CYYR1: variants seen among roughly 807,000 people sequenced by gnomAD.
CYYR1 encodes cysteine and tyrosine rich 1, also known as cysteine and tyrosine-rich protein 1.
Under a neutral mutation model 15.2 loss-of-function variants are expected in CYYR1, and 14 were observed. The ratio of observed to expected loss-of-function variants is 0.92; its 90% CI spans 0.61 to 1.44. The LOEUF (loss-of-function observed/expected upper bound fraction) is 1.44. Among genes scored for constraint, CYYR1 ranks in the 40% most tolerant of loss-of-function variants. CYYR1 has a pLI of 0.00. For missense variants in CYYR1, 228 were observed against 209.5 expected (o/e 1.09, Z -0.54); for synonymous variants, 80 against 77.4 (o/e 1.03, Z -0.18).
intron 2 of CYYR1, among the ~76,000 whole-genome samples, chr21:26,485,928 C>T (rs564009159): frequency 1.3e-5 from 2 of 152,238 alleles, no homozygotes; most frequent in South Asian, 2.1e-4. Flanking sequence ...CTCTCTGCGT[C>T]CTTGCCAGTA....
At chr21:26,526,637 A>G (rs935203031) in intron 2 of CYYR1, among the ~76,000 whole-genome samples, 12 of 152,236 alleles carry the variant, frequency 7.9e-5, no homozygotes, top group Non-Finnish European at 1.8e-4. Context: ...GAAATAATGA[A>G]TGAATTCTAA....
chr21:26,480,245 C>A (rs1452778957), intron 3 of CYYR1, 27 bp downstream of exon 3: 3 of 1,581,542 alleles, frequency 1.9e-6, no homozygotes, highest in South Asian at 2.3e-5. Flanking sequence ...CAAATCTGAG[C>A]CTTCGAGAGT....
intron 2 of CYYR1, among the ~76,000 whole-genome samples, chr21:26,480,724 A>G (rs768353013): frequency 6.6e-6 from 1 of 152,138 alleles, no homozygotes; most frequent in East Asian, 1.9e-4. Flanking sequence ...ACAAAGCACA[A>G]TTCTCTAGAT....
intron 2 of CYYR1, among the ~76,000 whole-genome samples, chr21:26,559,597 G>C (rs1381850780): frequency 6.6e-6 from 1 of 151,860 alleles, no homozygotes; most frequent in South Asian, 2.1e-4. Flanking sequence ...TTTGCTTTTT[G>C]TTTTTACATA....
chr21:26,561,504 T>G, intron 2 of CYYR1, among the ~76,000 whole-genome samples: 1 of 152,232 alleles, frequency 6.6e-6, no homozygotes, highest in Non-Finnish European at 1.5e-5. Context: ...GGCTCTCAAA[T>G]CACGGTTGTG....
At chr21:26,521,495 C>A (rs868124475) in intron 2 of CYYR1, among the ~76,000 whole-genome samples, 2 of 152,120 alleles carry the variant, frequency 1.3e-5, no homozygotes, top group Non-Finnish European at 2.9e-5. Flanking sequence ...ATAACAAATT[C>A]CCATAAGAAA....
intron 2 of CYYR1, among the ~76,000 whole-genome samples, chr21:26,524,454 C>T (rs2065838942): frequency 6.6e-6 from 1 of 152,144 alleles, no homozygotes; most frequent in Non-Finnish European, 1.5e-5. Context: ...TATATTTGGC[C>T]TGTATGTCTG....
intron 1 of CYYR1, among the ~76,000 whole-genome samples, chr21:26,567,400 A>T (rs949719792): frequency 2.0e-5 from 3 of 152,232 alleles, no homozygotes; most frequent in Non-Finnish European, 2.9e-5. Context: ...AAAGGATCAG[A>T]AATTACTATT....
intron 3 of CYYR1, among the ~76,000 whole-genome samples, 166 bp from the exon 4 acceptor site, chr21:26,468,800 A>G (rs909139902): frequency 3.9e-5 from 6 of 152,198 alleles, no homozygotes; most frequent in African/African-American, 1.4e-4. Context: ...TAAGTGCTCT[A>G]AAATGTGGTA....
chr21:26,497,971 G>C (rs537674666), intron 2 of CYYR1, among the ~76,000 whole-genome samples: 1 of 152,108 alleles, frequency 6.6e-6, no homozygotes, highest in Non-Finnish European at 1.5e-5. Context: ...TATGTCATTT[G>C]TATCATATGT....
intron 2 of CYYR1, among the ~76,000 whole-genome samples, chr21:26,483,736 A>G (rs2065214720): frequency 6.6e-6 from 1 of 152,082 alleles, no homozygotes; most frequent in Non-Finnish European, 1.5e-5. Context: ...TTACGGGTTT[A>G]AGTCTTCACA....
At chr21:26,499,841 T>G (rs550114603) in intron 2 of CYYR1, among the ~76,000 whole-genome samples, 53 of 150,960 alleles carry the variant, frequency 3.5e-4, no homozygotes, top group East Asian at 9.7e-4. Context: ...TTTTTGTTTT[T>G]TTTTTTTTTT....
intron 2 of CYYR1, among the ~76,000 whole-genome samples, chr21:26,492,903 C>G (rs150732712): frequency 6.6e-6 from 1 of 151,856 alleles, no homozygotes; most frequent in Non-Finnish European, 1.5e-5. Context: ...TCAGAGAGGA[C>G]GGCATCTATC....
At chr21:26,540,092 G>A (rs1280138052) in intron 2 of CYYR1, among the ~76,000 whole-genome samples, 1 of 152,140 alleles carries the variant, frequency 6.6e-6, no homozygotes, top group East Asian at 1.9e-4. Flanking sequence ...CAGCATTTTC[G>A]TTTAAGACAT....
intron 2 of CYYR1, among the ~76,000 whole-genome samples, chr21:26,556,796 G>A (rs1042235141): frequency 6.6e-6 from 1 of 152,078 alleles, no homozygotes; most frequent in African/African-American, 2.4e-5. Flanking sequence ...ATTGCAATTC[G>A]ACATGAAATT....
chr21:26,503,494 T>C (rs2065510509), intron 2 of CYYR1: 1 of 152,200 alleles, frequency 6.6e-6, no homozygotes, highest in Non-Finnish European at 1.5e-5. Flanking sequence ...AAATCCTCTC[T>C]TCAACACACT....
chr21:26,486,185 T>C (rs749421968), intron 2 of CYYR1, among the ~76,000 whole-genome samples: 7 of 152,146 alleles, frequency 4.6e-5, no homozygotes, highest in Non-Finnish European at 8.8e-5. Context: ...TTACAAAATA[T>C]GTAGTTTGCG....
chr21:26,479,866 T>C (rs9983959), intron 3 of CYYR1, among the ~76,000 whole-genome samples: 5,713 of 152,224 alleles, frequency 0.038, 324 homozygotes, highest in African/African-American at 0.13. Context: ...AATGAAGATA[T>C]ATGAAAATTT....
chr21:26,502,637 T>C (rs1161942177), intron 2 of CYYR1, among the ~76,000 whole-genome samples: 2 of 152,152 alleles, frequency 1.3e-5, no homozygotes, highest in Non-Finnish European at 1.5e-5. Flanking sequence ...TATGACAGTG[T>C]CTATTTCTTC....
Sources: gnomAD v4.1 joint callset for allele counts (sites outside exome capture counted in the v4.1 genomes callset) on GRCh38, gnomAD v4.1.1 for gene constraint, MANE v1.5 for transcripts, NCBI Gene and HGNC (gene_info 2026-07-23, HGNC 2026-07-21) for gene names.